FGGY: variants seen among roughly 807,000 people sequenced by gnomAD.
FGGY encodes FGGY carbohydrate kinase domain containing.
In FGGY, 72 loss-of-function variants were observed where a neutral mutation model predicts 71.3. The ratio of observed to expected loss-of-function variants is 1.01; its 90% CI spans 0.84 to 1.23. The LOEUF (loss-of-function observed/expected upper bound fraction) is 1.23. FGGY is among the 50% of genes most tolerant of loss of function. FGGY has a pLI of 0.00. For missense variants in FGGY, 668 were observed against 682.3 expected, an observed-to-expected ratio of 0.98 and a Z score of 0.23; for synonymous variants, 251 against 250.3, an observed-to-expected ratio of 1.00 and a Z score of -0.02.
intron 7 of FGGY, among the ~76,000 whole-genome samples, chr1:59,512,676 T>A (rs1233436440): frequency 6.8e-6 from 1 of 147,516 alleles, no homozygotes; most frequent in Non-Finnish European, 1.5e-5. Flanking sequence ...TAGAAAAAAA[T>A]GTATTTGAAT....
At chr1:59,649,090 T>C (rs1249917231) in intron 11 of FGGY, among the ~76,000 whole-genome samples, 1 of 152,058 alleles carries the variant, frequency 6.6e-6, no homozygotes, top group Non-Finnish European at 1.5e-5. Flanking sequence ...GAGGGCTCTG[T>C]TCTGTTCCAT....
chr1:59,454,540 T>TA (rs1007804213), intron 5 of FGGY, among the ~76,000 whole-genome samples: 2 of 152,142 alleles, frequency 1.3e-5, no homozygotes, highest in African/African-American at 4.8e-5. Flanking sequence ...GTGCCACATG[T>TA]AAAAAAATCA....
chr1:59,320,849 T>G (rs1308633915), intron 1 of FGGY, among the ~76,000 whole-genome samples: 3 of 152,250 alleles, frequency 2.0e-5, no homozygotes, highest in African/African-American at 7.2e-5. Context: ...TGAAGCTGAT[T>G]AAATTCCTTA....
intron 12 of FGGY, among the ~76,000 whole-genome samples, chr1:59,666,180 C>A (rs1411699180): frequency 2.0e-5 from 3 of 152,200 alleles, no homozygotes; most frequent in Admixed American, 1.3e-4. Context: ...ACTTTCTTAT[C>A]TCTTCTGACT....
intron 2 of FGGY, among the ~76,000 whole-genome samples, chr1:59,326,797 C>T (rs532313432): frequency 6.6e-6 from 1 of 152,022 alleles, no homozygotes; most frequent in South Asian, 2.1e-4. Context: ...CACTCTACTA[C>T]AGGCATAATG....
In FGGY at chr1:59,742,693, AC is replaced by A. The variant is rs144986819; in HGVS notation, c.1513-15237del. Among the ~76,000 whole-genome samples, 1,023 of 152,348 alleles carry A rather than the reference AC, an allele frequency of 6.7e-3. 12 individuals carry two copies. The highest frequency in any genetic ancestry group is 0.023 in the African/African-American group (953 of 41,572). On this transcript the variant is annotated intron_variant, in intron 14 of 15. Coordinates refer to ENST00000303721, the MANE Select transcript of FGGY (RefSeq NM_018291.5). ...CCTGAAAAATTGGCACTGTTCCCAT[AC>A]GTGGCACTATCAATAAATGGCACCA...
At chr1:59,696,664 C>T (rs72919677) in intron 14 of FGGY, among the ~76,000 whole-genome samples, 1,972 of 152,308 alleles carry the variant, frequency 0.013, 42 homozygotes, top group African/African-American at 0.044. Context: ...CACACTGTGT[C>T]CTTCATCTCT....
intron 1 of FGGY, among the ~76,000 whole-genome samples, chr1:59,307,349 T>C (rs1005629898): frequency 4.6e-5 from 7 of 151,130 alleles, no homozygotes; most frequent in Non-Finnish European, 8.8e-5. Context: ...TCGAGTGATT[T>C]AGACAGATCA....
At chr1:59,542,954 G>A (rs949022998) in intron 7 of FGGY, among the ~76,000 whole-genome samples, 1 of 152,186 alleles carries the variant, frequency 6.6e-6, no homozygotes, top group African/African-American at 2.4e-5. Context: ...CTTGGCTGGG[G>A]CTGCTGTCCA....
At chr1:59,336,264 C>T (rs1402564280) in intron 2 of FGGY, among the ~76,000 whole-genome samples, 4 of 152,192 alleles carry the variant, frequency 2.6e-5, no homozygotes, top group African/African-American at 9.6e-5. Context: ...TATATAGGCA[C>T]ATTTACCAAA....
At position 59,751,749 on chromosome 1, in the gene FGGY, A is replaced by G. The variant is rs949273371; in HGVS notation, c.1513-6182A>G. ...AGGTCTTCATTGTTTTTACCTTACA[A>G]TATGAGGAGCTAGTACTGAGTAAAT... On this transcript the variant is annotated intron_variant, in intron 14 of 15. Transcript: ENST00000303721. Among the ~76,000 whole-genome samples, 8 of 152,308 alleles carry G rather than the reference A, an allele frequency of 5.3e-5. No individual in the cohort carries two copies. In the East Asian group the frequency reaches 1.3e-3, roughly 26 times the overall value.
Position 59,652,045 on chromosome 1 carries a change from G to A in FGGY, c.1222-8174G>A, listed in dbSNP as rs1381868619. On this transcript the variant is annotated intron_variant, in intron 11 of 15. Transcript: ENST00000303721. ...TTGGCTGGATATGAAATTCTGGGTT[G>A]AAAATTCTTTTCTTTAAGAATGTTG... Among the ~76,000 whole-genome samples the A allele has an allele frequency of 3.1e-3, 475 of 150,846 alleles. 3 individuals are homozygous for A. Among genetic ancestry groups the A allele is most frequent in the Non-Finnish European group, 4.8e-3 (320 of 67,350 alleles).
Position 59,714,859 on chromosome 1 carries a change from T to G in FGGY, c.1512+40726T>G, listed in dbSNP as rs116047706. ...CTTTTTATTCCTTGTATTTGACATA[T>G]GAAAAGAAATCTTTGCTGATACTGG... is the stretch of plus-strand genomic sequence containing the variant. On this transcript the variant is annotated intron_variant, in intron 14 of 15. Transcript: ENST00000303721. Among the ~76,000 whole-genome samples, 1,056 of 152,330 alleles carry G rather than the reference T, an allele frequency of 6.9e-3. 9 individuals are homozygous for G. Among genetic ancestry groups the G allele is most frequent in the African/African-American group, 0.024 (980 of 41,562 alleles).
At chr1:59,659,817 A>C (rs2097257967) in intron 11 of FGGY, among the ~76,000 whole-genome samples, 1 of 152,236 alleles carries the variant, frequency 6.6e-6, no homozygotes, top group Non-Finnish European at 1.5e-5. Context: ...GAAGTCTGAC[A>C]GTAGCAGAAC....
At chr1:59,535,171 G>A (rs1022003184) in intron 7 of FGGY, among the ~76,000 whole-genome samples, 2 of 151,914 alleles carry the variant, frequency 1.3e-5, no homozygotes, top group Non-Finnish European at 2.9e-5. Flanking sequence ...AAAAAGGCAG[G>A]GGTTGCAATC....
chr1:59,462,115 G>A (rs1266695810), intron 6 of FGGY, among the ~76,000 whole-genome samples: 3 of 152,018 alleles, frequency 2.0e-5, no homozygotes, highest in Non-Finnish European at 4.4e-5. Flanking sequence ...CAGAGATATA[G>A]ATCAATGGAA....
intron 15 of FGGY, among the ~76,000 whole-genome samples, chr1:59,758,534 A>G (rs1933216): frequency 0.24 from 36,700 of 152,228 alleles, 4,867 homozygotes; most frequent in Admixed American, 0.29. Flanking sequence ...CCACAATTGA[A>G]GTATTGCCAG....
chr1:59,499,299 G>GTTTTTTTTTTTTTTTTTTTTTTTTTT (rs58170089), intron 6 of FGGY, among the ~76,000 whole-genome samples: 6 of 105,816 alleles, frequency 5.7e-5, no homozygotes, highest in African/African-American at 7.8e-5. Context: ...TACTATGTTT[G>GTTTTTTTTTTTTTTTTTTTTTTTTTT]TTTTTTTTTT....
intron 8 of FGGY, among the ~76,000 whole-genome samples, chr1:59,588,485 A>AT (rs1365587384): frequency 1.3e-5 from 2 of 152,192 alleles, no homozygotes; most frequent in East Asian, 3.8e-4. Context: ...TCCAAGACAC[A>AT]TAATTGTCAG....
Sources: allele counts gnomAD v4.1 joint callset (sites outside exome capture counted in the v4.1 genomes callset), GRCh38; gene constraint gnomAD v4.1.1; transcripts MANE v1.5; gene names NCBI Gene and HGNC (gene_info 2026-07-23, HGNC 2026-07-21).